DUSP16: variants seen among roughly 807,000 people sequenced by gnomAD.
DUSP16 encodes the protein dual specificity phosphatase 16, also known as dual specificity protein phosphatase 16.
DUSP16 carries 21 observed loss-of-function variants against 58.3 expected under a neutral mutation model. The observed-to-expected ratio is 0.36, with a 90% CI of 0.26 to 0.52. The LOEUF (loss-of-function observed/expected upper bound fraction) is 0.52. DUSP16 is among the 20% of genes least tolerant of loss of function. DUSP16 has a pLI of 0.94. For synonymous variants in DUSP16, 320 were observed against 323.8 expected (o/e 0.99, Z 0.12); for missense variants, 726 against 819.0 (o/e 0.89, Z 1.39).
chr12:12,488,577 C>T (rs569475517), intron 4 of DUSP16, among the ~76,000 whole-genome samples: 1 of 152,270 alleles, frequency 6.6e-6, no homozygotes, highest in African/African-American at 2.4e-5. Context: ...TCTCAGGAGA[C>T]GTTCCAAGCC....
chr12:12,548,636 AAAAAAAAAAAAG>A (rs1462989640), intron 1 of DUSP16, among the ~76,000 whole-genome samples: 10 of 143,836 alleles, frequency 7.0e-5, no homozygotes, highest in African/African-American at 1.5e-4. Flanking sequence ...GTCTCAAAAA[AAAAAAAAAAAAG>A]AAAAAGAAAA....
At chr12:12,534,908 A>G (rs1944443585) in intron 1 of DUSP16, among the ~76,000 whole-genome samples, 1 of 152,216 alleles carries the variant, frequency 6.6e-6, no homozygotes, top group South Asian at 2.1e-4. Flanking sequence ...TCAATTCAAT[A>G]TTTTACATTT....
At position 12,539,673 on chromosome 12, in the gene DUSP16, A is replaced by G. The variant is rs142448140; in HGVS notation, c.-365-18210T>C. ...ACTTAGGATGATGATGGAAACCAAG[A>G]TTCGGGCCTCCAGCCAATCTATATT... On this transcript the variant is annotated intron_variant, in intron 1 of 6. Coordinates refer to ENST00000298573, the MANE Select transcript of DUSP16 (RefSeq NM_030640.3). Among the ~76,000 whole-genome samples the G allele has an allele frequency of 8.4e-3, 1,279 of 151,652 alleles. 17 individuals carry two copies. Among genetic ancestry groups the G allele is most frequent in the African/African-American group, 0.029 (1,189 of 41,238 alleles).
intron 1 of DUSP16, among the ~76,000 whole-genome samples, chr12:12,544,071 A>T (rs2136256431): frequency 6.6e-6 from 1 of 152,226 alleles, no homozygotes; most frequent in African/African-American, 2.4e-5. Context: ...TTATAAGGTT[A>T]ACACACTCAT....
chr12:12,489,542 A>G (rs563161251), intron 4 of DUSP16, among the ~76,000 whole-genome samples: 2 of 152,322 alleles, frequency 1.3e-5, no homozygotes, highest in South Asian at 4.1e-4. Flanking sequence ...GGTACTACAG[A>G]TATGTTAAAT....
At chr12:12,492,239 C>G (rs889471221) in intron 4 of DUSP16, among the ~76,000 whole-genome samples, 1 of 152,212 alleles carries the variant, frequency 6.6e-6, no homozygotes, top group African/African-American at 2.4e-5. Context: ...CATTCTGTTT[C>G]CCTTTTTCTT....
At chr12:12,497,780 G>A (rs1404119955) in intron 4 of DUSP16, among the ~76,000 whole-genome samples, 1 of 151,904 alleles carries the variant, frequency 6.6e-6, no homozygotes, top group Non-Finnish European at 1.5e-5. Flanking sequence ...GACCATCCTG[G>A]CAAACATGGT....
At chr12:12,520,401 A>G (rs531863544) in intron 2 of DUSP16, among the ~76,000 whole-genome samples, 1 of 152,350 alleles carries the variant, frequency 6.6e-6, no homozygotes, top group South Asian at 2.1e-4. Context: ...TGTGAAGAAA[A>G]AAACCAACTT....
intron 1 of DUSP16, among the ~76,000 whole-genome samples, chr12:12,546,015 G>A (rs959652940): frequency 2.0e-5 from 3 of 152,158 alleles, no homozygotes; most frequent in African/African-American, 4.8e-5. Flanking sequence ...TGATATTGAT[G>A]TAATAACAGT....
At position 12,487,195 on chromosome 12, in the gene DUSP16, G is replaced by A; in HGVS notation, c.532-8C>T. On this transcript the variant is annotated splice_polypyrimidine_tract_variant and splice_region_variant and intron_variant, in intron 4 of 6. Transcript: ENST00000298573. The stretch of plus-strand genomic sequence containing the variant: ...ATTCTGCTGCATCAGCTCCTATGGA[G>A]AGAAAGAGTAGCAGTTAAAGTGACT... 6.2e-7 allele frequency: 1 copy of A among 1,612,982 alleles called. No individual in the cohort carries two copies. The highest frequency in any genetic ancestry group is 8.5e-7 in the Non-Finnish European group (1 of 1,179,126).
intron 1 of DUSP16, among the ~76,000 whole-genome samples, chr12:12,557,379 C>T (rs1175266981): frequency 1.3e-5 from 2 of 151,720 alleles, no homozygotes; most frequent in Non-Finnish European, 1.5e-5. Context: ...ATCGCTTGAA[C>T]CCGGGAGGCG....
In DUSP16 at chr12:12,473,698, C is replaced by G. The variant is rs1168005087; in HGVS notation, c.*3135G>C. Among the ~76,000 whole-genome samples, 1 of 152,110 alleles carries G rather than the reference C, an allele frequency of 6.6e-6. No homozygotes were observed. The highest frequency in any genetic ancestry group is 1.5e-5 in the Non-Finnish European group (1 of 68,032). ...CACTGAAGCTTTATTCCTTCAATGC[C>G]TAATTTTTATGAAACTGATGAGACT... On this transcript the variant is annotated 3_prime_UTR_variant, in exon 7 of 7. Transcript: ENST00000298573.
intron 1 of DUSP16, among the ~76,000 whole-genome samples, chr12:12,560,336 CA>C (rs1362665017): frequency 6.6e-6 from 1 of 152,088 alleles, no homozygotes; most frequent in Non-Finnish European, 1.5e-5. Context: ...TTCACACTAA[CA>C]AAATTCAAAA....
At chr12:12,486,967 G>A in intron 5 of DUSP16, 61 bp downstream of exon 5, 2 of 1,585,136 alleles carry the variant, frequency 1.3e-6, no homozygotes, top group African/African-American at 2.7e-5. Flanking sequence ...GGGGCTGAGG[G>A]GGTTCACCTA....
At chr12:12,557,512 T>C (rs1048215393) in intron 1 of DUSP16, among the ~76,000 whole-genome samples, 2 of 150,842 alleles carry the variant, frequency 1.3e-5, no homozygotes, top group African/African-American at 4.9e-5. Flanking sequence ...AAAAGTCACA[T>C]AGGTTTCTTT....
rs1943397668 is a variant in DUSP16, at chr12:12,475,039, T to C, written c.*1794A>G. 1 of 152,168 alleles carries C rather than the reference T, an allele frequency of 6.6e-6. No homozygotes were observed. The highest frequency in any genetic ancestry group is 2.4e-5 in the African/African-American group (1 of 41,414). 9.4% of individuals were successfully genotyped at this position (152,168 alleles called of 1,614,324 possible). On this transcript the variant is annotated 3_prime_UTR_variant, in exon 7 of 7. Coordinates refer to ENST00000298573, the MANE Select transcript of DUSP16 (RefSeq NM_030640.3). ...CTAGTGAGGTCTGTGCGGCTCATCATCCCCATAACCAAGTCGGTCTGTGTT... is the reference window on the plus strand; with the variant it reads ...CTAGTGAGGTCTGTGCGGCTCATCACCCCCATAACCAAGTCGGTCTGTGTT...
intron 5 of DUSP16, among the ~76,000 whole-genome samples, chr12:12,480,609 T>C (rs1052404732): frequency 4.6e-5 from 7 of 152,246 alleles, no homozygotes; most frequent in African/African-American, 7.2e-5. Flanking sequence ...TAACTCAGGT[T>C]TCCTGACTTA....
At chr12:12,501,511 G>A (rs939219909) in intron 3 of DUSP16, among the ~76,000 whole-genome samples, 5 of 152,050 alleles carry the variant, frequency 3.3e-5, no homozygotes, top group Admixed American at 1.3e-4. Context: ...CACTCCCTCC[G>A]GGAAAAGAAA....
intron 4 of DUSP16, among the ~76,000 whole-genome samples, chr12:12,487,570 T>G (rs1943703802): frequency 2.0e-5 from 3 of 152,172 alleles, no homozygotes; most frequent in African/African-American, 7.2e-5. Context: ...TTCTCTAAGA[T>G]ACAATTCTAG....
Sources: gnomAD v4.1 joint callset for allele counts (sites outside exome capture counted in the v4.1 genomes callset) on GRCh38, gnomAD v4.1.1 for gene constraint, MANE v1.5 for transcripts, NCBI Gene and HGNC (gene_info 2026-07-23, HGNC 2026-07-21) for gene names.